The following RASGRP3 variants were observed in gnomAD, a reference collection of about 807,000 sequenced individuals.
RASGRP3 encodes the protein ras guanyl-releasing protein 3.
In RASGRP3, 54 loss-of-function variants were observed where a neutral mutation model predicts 82.7. The ratio of observed to expected loss-of-function variants is 0.65; its 90% confidence interval spans 0.52 to 0.82. RASGRP3 has a LOEUF of 0.82. RASGRP3 is among the 40% of genes least tolerant of loss of function. RASGRP3 has a pLI of 0.00. For missense variants in RASGRP3, 861 were observed against 828.9 expected, an observed-to-expected ratio of 1.04 and a Z score of -0.48; for synonymous variants, 309 against 300.5, an observed-to-expected ratio of 1.03 and a Z score of -0.29.
upstream of RASGRP3, among the ~76,000 whole-genome samples, chr2:33,472,749 G>A (rs188186574): frequency 1.3e-5 from 2 of 151,348 alleles, no homozygotes; most frequent in East Asian, 3.9e-4. Context: ...GAGGTCAGGT[G>A]TTCGGGACCA....
At chr2:33,523,799 C>A in intron 7 of RASGRP3, 80 bp from the exon 8 acceptor site, 1 of 1,315,936 alleles carries the variant, frequency 7.6e-7, no homozygotes, top group Non-Finnish European at 1.0e-6. Flanking sequence ...CAATATCTCA[C>A]CTTTTCTATG....
At chr2:33,447,080 T>C (rs996711337) in intron 1 of RASGRP3, among the ~76,000 whole-genome samples, 7 of 132,078 alleles carry the variant, frequency 5.3e-5, no homozygotes, top group African/African-American at 2.1e-4. Context: ...CACTCCAGCC[T>C]GGGTGACAGA....
chr2:33,517,592 A>G (rs1671592156), intron 4 of RASGRP3, among the ~76,000 whole-genome samples: 1 of 152,188 alleles, frequency 6.6e-6, no homozygotes, highest in Non-Finnish European at 1.5e-5. Context: ...TCACAACCTC[A>G]GAGCAGAAAA....
At chr2:33,465,465 G>T (rs983066036) in intron 2 of RASGRP3, among the ~76,000 whole-genome samples, 3 of 152,246 alleles carry the variant, frequency 2.0e-5, no homozygotes, top group African/African-American at 4.8e-5. Context: ...TGAGGCTACA[G>T]TGAGCTATGA....
At chr2:33,490,660 G>A (rs143653759) in intron 1 of RASGRP3, among the ~76,000 whole-genome samples, 1 of 152,312 alleles carries the variant, frequency 6.6e-6, no homozygotes, top group Non-Finnish European at 1.5e-5. Flanking sequence ...GCTTAAGAGT[G>A]GGTCCTCTTG....
Position 33,527,388 on chromosome 2 carries a change from C to G in RASGRP3, c.1059C>G (p.Asn353Lys). ...LQNASHHLEP[N>K]MDLINLLTLS... ...ATGCCTCTCACCACTTAGAACCCAA[C>G]ATGGATTTGATCAACCTGCTCACGG... is the stretch of plus-strand genomic sequence containing the variant. Residue 353 changes from asparagine to lysine, a missense_variant, in exon 10 of 18, where the codon AAC becomes AAG. Physicochemically the swap from Asn to Lys is moderately conservative, Grantham distance 94 (BLOSUM62 0). Transcript: ENST00000403687. The G allele has an allele frequency of 6.2e-7, 1 of 1,613,628 alleles. No individual in the cohort carries two copies. The highest frequency in any genetic ancestry group is 1.7e-5 in the Admixed American group (1 of 60,008).
chr2:33,500,173 C>T (rs1669731838), intron 1 of RASGRP3, among the ~76,000 whole-genome samples: 1 of 152,082 alleles, frequency 6.6e-6, no homozygotes. Flanking sequence ...AGCAGTATCA[C>T]ATGTGCTGGA....
chr2:33,534,694 AT>A (rs71910431), intron 11 of RASGRP3, among the ~76,000 whole-genome samples: 2,407 of 122,190 alleles, frequency 0.02, 40 homozygotes, highest in African/African-American at 0.061. Context: ...ACACCCAGCA[AT>A]TTTTTTTTTT....
At chr2:33,538,445 G>A (rs1673879415) in intron 11 of RASGRP3, among the ~76,000 whole-genome samples, 1 of 152,068 alleles carries the variant, frequency 6.6e-6, no homozygotes, top group African/African-American at 2.4e-5. Flanking sequence ...AGAGGTTTCA[G>A]TGAGCCGAGA....
chr2:33,514,749 C>T (rs549296155), intron 2 of RASGRP3, among the ~76,000 whole-genome samples: 2 of 152,000 alleles, frequency 1.3e-5, no homozygotes, highest in East Asian at 3.9e-4. Context: ...TAAAACATTG[C>T]ATTAAAAAAT....
At chr2:33,542,950 C>T (rs1045817983) in intron 12 of RASGRP3, among the ~76,000 whole-genome samples, 14 of 152,034 alleles carry the variant, frequency 9.2e-5, no homozygotes, top group Non-Finnish European at 1.9e-4. Context: ...GCTTCAGCCT[C>T]CTAAAGTGCT....
chr2:33,527,054 A>C, intron 9 of RASGRP3, 83 bp from the exon 10 acceptor site: 1 of 1,418,246 alleles, frequency 7.1e-7, no homozygotes, highest in Non-Finnish European at 9.6e-7. Context: ...TAGCTGAGGA[A>C]TTTCCTAGCC....
chr2:33,497,471 A>C (rs1669432064), intron 1 of RASGRP3, among the ~76,000 whole-genome samples: 1 of 152,204 alleles, frequency 6.6e-6, no homozygotes, highest in Non-Finnish European at 1.5e-5. Context: ...TGACTAGTAG[A>C]TCTGTTAGCA....
intron 4 of RASGRP3, among the ~76,000 whole-genome samples, chr2:33,517,619 A>G (rs1229252283): frequency 1.3e-5 from 2 of 152,166 alleles, no homozygotes; most frequent in Admixed American, 6.5e-5. Flanking sequence ...TAGACAGTCT[A>G]TAAGGTCTGT....
At chr2:33,556,484 T>C (rs1675978578) in intron 15 of RASGRP3, among the ~76,000 whole-genome samples, 1 of 145,636 alleles carries the variant, frequency 6.9e-6, no homozygotes, top group South Asian at 2.2e-4. Flanking sequence ...CCTGACCTCA[T>C]GATCCACCCG....
Position 33,542,819 on chromosome 2 carries a change from G to C in RASGRP3, c.1279-693G>C, listed in dbSNP as rs148474624. ...GTGCCTCAGCCCCCTGAGTAGCTGG[G>C]ATTGCAGGCATATGCCACCATGCCC... On this transcript the variant is annotated intron_variant, in intron 12 of 17. Transcript: ENST00000403687. Among the ~76,000 whole-genome samples the C allele has an allele frequency of 2.1e-3, 313 of 152,140 alleles. 3 individuals carry two copies. Among genetic ancestry groups the C allele is most frequent in the African/African-American group, 7.2e-3 (299 of 41,536 alleles).
At chr2:33,443,619 A>G (rs933731943) in intron 1 of RASGRP3, among the ~76,000 whole-genome samples, 1 of 151,440 alleles carries the variant, frequency 6.6e-6, no homozygotes, top group Non-Finnish European at 1.5e-5. Flanking sequence ...AGAAATACAT[A>G]CCTGTAATCC....
At chr2:33,453,239 A>C (rs553749139) in intron 2 of RASGRP3, among the ~76,000 whole-genome samples, 1 of 152,208 alleles carries the variant, frequency 6.6e-6, no homozygotes, top group Non-Finnish European at 1.5e-5. Context: ...CCAGCTGAAG[A>C]CGGGCTTAAC....
At chr2:33,527,008 C>G in intron 9 of RASGRP3, 129 bp from the exon 10 acceptor site, 1 of 965,424 alleles carries the variant, frequency 1.0e-6, no homozygotes, top group Non-Finnish European at 1.5e-6. Context: ...TCATATTTCC[C>G]TGCAGCAACA....
Sources: allele counts gnomAD v4.1 joint callset (sites outside exome capture counted in the v4.1 genomes callset), GRCh38; gene constraint gnomAD v4.1.1; transcripts MANE v1.5; gene names NCBI Gene and HGNC (gene_info 2026-07-23, HGNC 2026-07-21).